COLEC12: variants seen among roughly 807,000 people sequenced by gnomAD.
COLEC12 encodes collectin-12.
A neutral mutation model predicts 71.1 loss-of-function variants in COLEC12; 33 were observed. That is an observed-to-expected ratio of 0.46 (90% CI 0.35 to 0.62). COLEC12 has a LOEUF of 0.62. Among genes scored for constraint, COLEC12 ranks in the 20% least tolerant of loss-of-function variants. COLEC12 has a pLI of 0.00. For synonymous variants in COLEC12, 350 were observed against 353.0 expected (o/e 0.99, Z 0.10); for missense variants, 765 against 916.1 (o/e 0.84, Z 2.13).
chr18:441,275 A>T (rs968022546), intron 2 of COLEC12, among the ~76,000 whole-genome samples: 6 of 152,032 alleles, frequency 3.9e-5, no homozygotes, highest in Non-Finnish European at 7.4e-5. Flanking sequence ...ATAATAATAA[A>T]AAAATAAAGT....
chr18:498,762 G>C (rs1270256842), intron 1 of COLEC12, among the ~76,000 whole-genome samples: 1 of 152,192 alleles, frequency 6.6e-6, no homozygotes, highest in African/African-American at 2.4e-5. Flanking sequence ...GGCGGAAAGT[G>C]TATGGGGCTT....
intron 2 of COLEC12, among the ~76,000 whole-genome samples, chr18:366,386 G>A (rs1914857151): frequency 6.6e-6 from 1 of 152,058 alleles, no homozygotes; most frequent in South Asian, 2.1e-4. Flanking sequence ...TGGGCTGTGA[G>A]ATTTGCCCTT....
chr18:490,855 G>A (rs1398793386), intron 1 of COLEC12, among the ~76,000 whole-genome samples: 11 of 152,202 alleles, frequency 7.2e-5, no homozygotes, highest in African/African-American at 1.4e-4. Flanking sequence ...CTGAAGGACC[G>A]TGGACAGGGA....
intron 5 of COLEC12, among the ~76,000 whole-genome samples, chr18:344,510 T>C (rs765946409): frequency 6.6e-6 from 1 of 152,244 alleles, no homozygotes; most frequent in African/African-American, 2.4e-5. Flanking sequence ...CATGCTGGTC[T>C]GGGAATGTCT....
rs1170107949 is a variant in COLEC12, at chr18:465,598, T to C, written c.58+15109A>G. Among the ~76,000 whole-genome samples the C allele has an allele frequency of 2.6e-5, 4 of 152,204 alleles. No homozygotes were observed. The East Asian group carries it at 5.8e-4, about 22-fold the overall frequency. ...ACAGGAAGAAAGTAACCTGATTAAA[T>C]AATCCACCTTAAAGTACAGGTGACT... is the stretch of plus-strand genomic sequence containing the variant. On this transcript the variant is annotated intron_variant, in intron 2 of 9. Coordinates refer to ENST00000400256, the MANE Select transcript of COLEC12 (RefSeq NM_130386.3).
chr18:478,083 C>G (rs1417152473), intron 2 of COLEC12, among the ~76,000 whole-genome samples: 1 of 152,160 alleles, frequency 6.6e-6, no homozygotes, highest in Non-Finnish European at 1.5e-5. Context: ...CCCAGTGGAA[C>G]CAGATTGGGT....
At chr18:490,884 T>C (rs1449462691) in intron 1 of COLEC12, among the ~76,000 whole-genome samples, 1 of 152,218 alleles carries the variant, frequency 6.6e-6, no homozygotes, top group African/African-American at 2.4e-5. Context: ...AAGTTAGACT[T>C]CTCTTCCATG....
chr18:416,672 G>A (rs1168040367), intron 2 of COLEC12, among the ~76,000 whole-genome samples: 4 of 152,114 alleles, frequency 2.6e-5, no homozygotes, highest in Non-Finnish European at 2.9e-5. Context: ...CCCCTGCCAC[G>A]GCACAAACAC....
At chr18:436,876 T>C (rs1400262214) in intron 2 of COLEC12, among the ~76,000 whole-genome samples, 1 of 152,158 alleles carries the variant, frequency 6.6e-6, no homozygotes, top group African/African-American at 2.4e-5. Flanking sequence ...GAGTTACCAA[T>C]ATTGAAATAC....
At chr18:411,643 G>A (rs1275606856) in intron 2 of COLEC12, among the ~76,000 whole-genome samples, 3 of 152,184 alleles carry the variant, frequency 2.0e-5, no homozygotes, top group Non-Finnish European at 2.9e-5. Flanking sequence ...AGTGGCTCAC[G>A]CCTGTAATTC....
At chr18:412,674 A>C (rs949542916) in intron 2 of COLEC12, among the ~76,000 whole-genome samples, 29 of 152,186 alleles carry the variant, frequency 1.9e-4, no homozygotes, top group Admixed American at 2.0e-4. Flanking sequence ...AGACAAACAT[A>C]TTATAAATGG....
At chr18:430,333 C>CAA (rs34020299) in intron 2 of COLEC12, among the ~76,000 whole-genome samples, 26 of 142,912 alleles carry the variant, frequency 1.8e-4, no homozygotes, top group Admixed American at 4.8e-4. Context: ...GATTCTGTTT[C>CAA]AAAAAAAAAA....
chr18:331,857 GA>G, intron 7 of COLEC12, 80 bp from the exon 8 acceptor site: 4 of 842,624 alleles, frequency 4.7e-6, no homozygotes, highest in South Asian at 1.5e-5. Flanking sequence ...TTAACATTTA[GA>G]AAAAAGGACA....
intron 2 of COLEC12, among the ~76,000 whole-genome samples, chr18:457,070 A>G (rs1202708639): frequency 6.6e-6 from 1 of 152,172 alleles, no homozygotes; most frequent in African/African-American, 2.4e-5. Flanking sequence ...TCTCTTGGCA[A>G]GGATCAGTGC....
intron 2 of COLEC12, among the ~76,000 whole-genome samples, chr18:450,652 C>T (rs756226636): frequency 3.3e-5 from 5 of 152,138 alleles, no homozygotes; most frequent in African/African-American, 1.2e-4. Context: ...AGAACTAATA[C>T]AGAAAATTGG....
intron 2 of COLEC12, among the ~76,000 whole-genome samples, chr18:414,664 A>G (rs754363802): frequency 4.1e-4 from 63 of 152,192 alleles, no homozygotes; most frequent in Non-Finnish European, 7.9e-4. Context: ...ACAGATCTTT[A>G]AGGATAGAAG....
In COLEC12 at chr18:346,399, G is replaced by A. The variant is rs760735998; in HGVS notation, c.1223C>T (p.Ser408Leu). The A allele has an allele frequency of 2.0e-5, 33 of 1,613,834 alleles. No individual in the cohort carries two copies. Among genetic ancestry groups the A allele is most frequent in the Admixed American group, 6.7e-5 (4 of 59,982 alleles). Residue 408 changes from serine to leucine, a missense_variant, in exon 5 of 10, where the codon TCG becomes TTG. Transcript: ENST00000400256. This position sits in a 1 kb window ranked among gnomAD's most constrained non-coding sequence, Gnocchi z 4.0. ...SLRMQQDLMR[S>L]RLDTEVANLS... ...GTTGGCTACTTCAGTGTCTAACCTCGACCTCATCAAATCTTGTTGCATCCT... is the reference window on the plus strand; with the variant it reads ...GTTGGCTACTTCAGTGTCTAACCTCAACCTCATCAAATCTTGTTGCATCCT...
intron 1 of COLEC12, among the ~76,000 whole-genome samples, chr18:490,366 G>A (rs758674301): frequency 1.6e-4 from 24 of 152,306 alleles, no homozygotes; most frequent in Middle Eastern, 3.4e-3. Context: ...ACAGGGTTTC[G>A]GGATGGTTTT....
At chr18:483,936 CTTT>C (rs1028999467) in intron 1 of COLEC12, among the ~76,000 whole-genome samples, 6 of 152,194 alleles carry the variant, frequency 3.9e-5, no homozygotes, top group Admixed American at 3.3e-4. Flanking sequence ...CAGCTCTATC[CTTT>C]CCACCACTGT....
Sources: allele counts gnomAD v4.1 joint callset (sites outside exome capture counted in the v4.1 genomes callset), GRCh38; gene constraint gnomAD v4.1.1; non-coding constraint Gnocchi (gnomAD v3.1); transcripts MANE v1.5; gene names NCBI Gene and HGNC (gene_info 2026-07-23, HGNC 2026-07-21).